NECTIN3: variants seen among roughly 807,000 people sequenced by gnomAD.
The protein encoded by NECTIN3 is nectin cell adhesion molecule 3.
A neutral mutation model predicts 49.4 loss-of-function variants in NECTIN3; 8 were observed. That is an observed-to-expected ratio of 0.16 (90% CI 0.10 to 0.29). The LOEUF (loss-of-function observed/expected upper bound fraction) is 0.29, where lower values mean the gene tolerates loss of function less well. Ranked by LOEUF, NECTIN3 falls within the 10% of genes least tolerant of loss-of-function variation. NECTIN3 has a pLI of 1.00. For missense variants in NECTIN3, 581 were observed against 654.6 expected, an observed-to-expected ratio of 0.89 and a Z score of 1.23; for synonymous variants, 277 against 241.1, an observed-to-expected ratio of 1.15 and a Z score of -1.38.
chr3:111,156,964 A>G (rs1217706646), intron 7 of NECTIN3, among the ~76,000 whole-genome samples: 3 of 152,220 alleles, frequency 2.0e-5, no homozygotes, highest in African/African-American at 7.2e-5. Context: ...GCAGTTAGCC[A>G]GTTGGTAACT....
chr3:111,074,038 CTTG>C (rs1346106023), intron 1 of NECTIN3, among the ~76,000 whole-genome samples: 2 of 151,284 alleles, frequency 1.3e-5, no homozygotes, highest in East Asian at 1.9e-4. Flanking sequence ...GTCAACTCTT[CTTG>C]TTGTAGAGGT....
At chr3:111,184,482 G>A (rs1476515816) in intron 7 of NECTIN3, among the ~76,000 whole-genome samples, 2 of 152,036 alleles carry the variant, frequency 1.3e-5, no homozygotes, top group African/African-American at 2.4e-5. Context: ...TGCTTTCCAC[G>A]GTAGAATGAT....
At chr3:111,095,171 A>G (rs192930381) in intron 1 of NECTIN3, among the ~76,000 whole-genome samples, 1 of 152,318 alleles carries the variant, frequency 6.6e-6, no homozygotes, top group East Asian at 1.9e-4. Context: ...CAGTCATGCC[A>G]CTAGGAATAA....
chr3:111,073,982 A>G (rs2030989948), intron 1 of NECTIN3, among the ~76,000 whole-genome samples: 1 of 151,000 alleles, frequency 6.6e-6, no homozygotes, highest in South Asian at 2.1e-4. Context: ...AAACTTAAGC[A>G]GTGTAGGCAA....
chr3:111,189,079 G>T (rs1018287315), upstream of NECTIN3, among the ~76,000 whole-genome samples: 1 of 152,066 alleles, frequency 6.6e-6, no homozygotes, highest in Non-Finnish European at 1.5e-5. Flanking sequence ...CAACATGATT[G>T]TACTACTGTT....
intron 7 of NECTIN3, among the ~76,000 whole-genome samples, chr3:111,157,218 T>G (rs1003279693): frequency 6.6e-6 from 1 of 152,156 alleles, no homozygotes; most frequent in African/African-American, 2.4e-5. Flanking sequence ...TCAAAACGCA[T>G]TAGGCCTGTT....
intron 1 of NECTIN3, among the ~76,000 whole-genome samples, chr3:111,105,512 AG>A (rs1428285196): frequency 6.6e-6 from 1 of 152,216 alleles, no homozygotes; most frequent in Non-Finnish European, 1.5e-5. Context: ...GCTAATGCAT[AG>A]AAATACAATC....
chr3:111,082,714 T>G (rs1250390158), intron 1 of NECTIN3, among the ~76,000 whole-genome samples: 3 of 152,170 alleles, frequency 2.0e-5, no homozygotes, highest in Non-Finnish European at 2.9e-5. Context: ...GGTTTTGGGA[T>G]GATTGAAGTG....
At chr3:111,187,892 C>T (rs1035606869), upstream of NECTIN3, among the ~76,000 whole-genome samples, 3 of 152,028 alleles carry the variant, frequency 2.0e-5, no homozygotes, top group Non-Finnish European at 2.9e-5. Flanking sequence ...TGTTAAAATC[C>T]GTTTGTTACA....
chr3:111,125,137 T>C (rs2034112857), intron 4 of NECTIN3, among the ~76,000 whole-genome samples: 2 of 148,710 alleles, frequency 1.3e-5, no homozygotes, highest in Admixed American at 1.3e-4. Context: ...CAAGTGATTC[T>C]CCTGCCTCAG....
chr3:111,169,660 G>A (rs1236363687), intron 7 of NECTIN3, among the ~76,000 whole-genome samples: 1 of 151,986 alleles, frequency 6.6e-6, no homozygotes, highest in Non-Finnish European at 1.5e-5. Context: ...AACACTCAGC[G>A]GCAAGTACAT....
chr3:111,193,250 G>C, intron 1 of NECTIN3: 1 of 1,535,774 alleles, frequency 6.5e-7, no homozygotes. Flanking sequence ...ATCCAGTTGG[G>C]GAAGATGGCA....
At position 111,154,605 on chromosome 3, in the gene NECTIN3, A is replaced by T. The variant is rs2035062542; in HGVS notation, c.1221+7121A>T. ...GTGATCCTAAATGGTTTTACCATTT[A>T]TGTTCCTATGAGCCAAGTGAGTTGC... On this transcript the variant is annotated intron_variant, in intron 7 of 8. Transcript: ENST00000493615. Among the ~76,000 whole-genome samples the T allele has an allele frequency of 2.0e-5, 3 of 152,198 alleles. No individual in the cohort carries two copies. In the South Asian group the frequency reaches 6.2e-4, roughly 31 times the overall value.
intron 5 of NECTIN3, among the ~76,000 whole-genome samples, chr3:111,144,626 C>T (rs2107507425): frequency 6.6e-6 from 1 of 151,958 alleles, no homozygotes; most frequent in African/African-American, 2.4e-5. Flanking sequence ...TCTCCAGGTA[C>T]TCTTTACATA....
At position 111,134,386 on chromosome 3, in the gene NECTIN3, A is replaced by G. The variant is rs185295898; in HGVS notation, c.*171A>G. On this transcript the variant is annotated 3_prime_UTR_variant, in exon 6 of 6. Coordinates refer to ENST00000485303, the MANE Select transcript of NECTIN3 (RefSeq NM_015480.3). ...AAAATGTAAAATCTGAGTTCAGTGT[A>G]TCTAAGCTGCTTTACAATTTTTTTT... is the stretch of plus-strand genomic sequence containing the variant. 1,621 of 1,361,084 alleles carry G rather than the reference A, an allele frequency of 1.2e-3. 1 individual carries two copies. The highest frequency in any genetic ancestry group is 1.4e-3 in the Non-Finnish European group (1,517 of 1,060,404). 84.3% of individuals were successfully genotyped at this position (1,361,084 alleles called of 1,614,324 possible).
chr3:111,109,089 A>T (rs2033344431), intron 1 of NECTIN3, among the ~76,000 whole-genome samples: 1 of 152,176 alleles, frequency 6.6e-6, no homozygotes, highest in Non-Finnish European at 1.5e-5. Context: ...GATTGTAGAC[A>T]ATCACTTTCT....
intron 1 of NECTIN3, among the ~76,000 whole-genome samples, chr3:111,073,852 G>A (rs963928907): frequency 6.6e-6 from 1 of 152,220 alleles, no homozygotes; most frequent in Non-Finnish European, 1.5e-5. Flanking sequence ...TAGTGGTTGT[G>A]AAAATGAATT....
At chr3:111,150,345 A>G (rs73854914) in intron 7 of NECTIN3, among the ~76,000 whole-genome samples, 5,881 of 152,012 alleles carry the variant, frequency 0.039, 151 homozygotes, top group African/African-American at 0.063. Context: ...TATCTGTCAG[A>G]TGATTTTTGG....
chr3:111,143,493 G>T (rs1329268147), intron 5 of NECTIN3, among the ~76,000 whole-genome samples: 2 of 151,604 alleles, frequency 1.3e-5, no homozygotes, highest in African/African-American at 2.4e-5. Flanking sequence ...CATTCTTTTT[G>T]GCAATCTAAA....
Sources: gnomAD v4.1 joint callset for allele counts (sites outside exome capture counted in the v4.1 genomes callset) on GRCh38, gnomAD v4.1.1 for gene constraint, MANE v1.5 for transcripts, NCBI Gene and HGNC (gene_info 2026-07-23, HGNC 2026-07-21) for gene names.